CIITA: variants seen among roughly 807,000 people sequenced by gnomAD.
The protein encoded by CIITA is MHC class II transactivator.
In CIITA, 72 loss-of-function variants were observed where a neutral mutation model predicts 115.1. The observed-to-expected ratio is 0.63, with a 90% CI of 0.52 to 0.76. CIITA has a LOEUF of 0.76. CIITA is among the 30% of genes least tolerant of loss of function. CIITA has a pLI of 0.00. For synonymous variants in CIITA, 763 were observed against 635.6 expected (o/e 1.20, Z -3.02); for missense variants, 1,617 against 1,463.8 (o/e 1.10, Z -1.71).
chr16:10,874,768 T>C (rs551182546), upstream of CIITA, among the ~76,000 whole-genome samples: 155 of 152,158 alleles, frequency 1.0e-3, no homozygotes, highest in Non-Finnish European at 1.3e-3. Flanking sequence ...AGGTGAGAGA[T>C]GGTAGTCCTG....
At chr16:10,877,102 C>A, upstream of CIITA, 1 of 613,216 alleles carries the variant, frequency 1.6e-6, no homozygotes, top group Non-Finnish European at 2.9e-6. Flanking sequence ...AGAAATCTGA[C>A]CGCTTGGGGC....
chr16:10,879,833 G>A lies in CIITA; in HGVS notation c.52+2451G>A, dbSNP rs2036238573. ...GCCGGAATCGGAGCCACCATGCTTA[G>A]CTTAGTCTGGAACTCTTAAAAGCCG... On this transcript the variant is annotated intron_variant, in intron 1 of 19. Transcript: ENST00000324288. This position sits in a 1 kb window ranked among gnomAD's most constrained non-coding sequence, Gnocchi z 4.3. Among the ~76,000 whole-genome samples, 1 of 152,150 alleles carries A rather than the reference G, an allele frequency of 6.6e-6. No homozygotes were observed. Among genetic ancestry groups the A allele is most frequent in the Admixed American group, 6.5e-5 (1 of 15,284 alleles).
chr16:10,869,321 G>C (rs571906587), intron 1 of CIITA, among the ~76,000 whole-genome samples: 2 of 152,170 alleles, frequency 1.3e-5, no homozygotes, highest in Non-Finnish European at 2.9e-5. Flanking sequence ...GACACGCTCA[G>C]CACACTGTCT....
intron 13 of CIITA, among the ~76,000 whole-genome samples, chr16:10,914,641 C>G (rs1166204453): frequency 6.6e-6 from 1 of 152,126 alleles, no homozygotes; most frequent in Admixed American, 6.6e-5. Context: ...TTCTCATCCC[C>G]TTGAAGTCTG....
rs1396428282 is a variant in CIITA, at chr16:10,895,796, A to G, written c.295+32A>G. The G allele has an allele frequency of 1.9e-6, 3 of 1,604,782 alleles. No individual in the cohort carries two copies. In the African/African-American group the frequency reaches 4.0e-5, roughly 21 times the overall value. ...AAGCACCTGAGCCCAGAAAAGGACAATCAAGGGCAAGAGTTCTTTGCTGCC... is the reference window on the plus strand; with the variant it reads ...AAGCACCTGAGCCCAGAAAAGGACAGTCAAGGGCAAGAGTTCTTTGCTGCC... On this transcript the variant is annotated intron_variant, in intron 3 of 19. Transcript: ENST00000324288.
chr16:10,916,260 G>T (rs1486892674), intron 14 of CIITA, 107 bp from the exon 15 acceptor site: 2 of 968,472 alleles, frequency 2.1e-6, no homozygotes, highest in Non-Finnish European at 3.3e-6. Context: ...TTAGAGCTGG[G>T]GGGTGGGAAG....
At position 10,928,250 on chromosome 16, in the gene CIITA, T is replaced by C. The variant is rs1352317174; in HGVS notation, c.*4395T>C. ...CTTTGAAATCAAGTGCTCTGCAAAC[T>C]GGAGAGAATTACTGCTTGTATTCCG... On this transcript the variant is annotated 3_prime_UTR_variant, in exon 20 of 20. Transcript: ENST00000324288. The C allele has an allele frequency of 6.6e-6, 1 of 152,196 alleles. No individual in the cohort carries two copies. Among genetic ancestry groups the C allele is most frequent in the Non-Finnish European group, 1.5e-5 (1 of 68,042 alleles). 9.4% of individuals were successfully genotyped at this position (152,196 alleles called of 1,614,324 possible).
chr16:10,876,153 T>A (rs139718325), upstream of CIITA, among the ~76,000 whole-genome samples: 86 of 151,498 alleles, frequency 5.7e-4, no homozygotes, highest in Non-Finnish European at 1.1e-3. Context: ...TGAAACTCCG[T>A]CTAAAAAAAA....
At chr16:10,940,434 A>T (rs529435830), downstream of CIITA, 1 of 152,400 alleles carries the variant, frequency 6.6e-6, no homozygotes. The surrounding 1 kb of genome is among the most constrained non-coding windows in gnomAD (Gnocchi z 4.2). Flanking sequence ...GGGTGGACTC[A>T]GCCTGCTTGC....
rs2039253143 is a variant in CIITA, at chr16:10,907,501, G to A, written c.2009G>A (p.Arg670Lys). Reference protein sequence around the residue: ...LAKLAWELGRRHQSTLQEDQF... With the variant: ...LAKLAWELGRKHQSTLQEDQF... ...AAGCTGGCCTGGGAGCTGGGCCGCA[G>A]ACATCAAAGTACCCTACAGGAGGAC... is the stretch of plus-strand genomic sequence containing the variant. The change falls in exon 11 of 20, where the codon AGA becomes AAA. Residue 670 changes from arginine (R) to lysine (K), a missense_variant. By Grantham distance (26) the Arg-to-Lys change is conservative. Coordinates refer to ENST00000324288, the MANE Select transcript of CIITA (RefSeq NM_000246.4). This position sits in a 1 kb window ranked among gnomAD's most constrained non-coding sequence, Gnocchi z 5.0. 1 of 1,613,996 alleles carries A rather than the reference G, an allele frequency of 6.2e-7. No homozygotes were observed. The highest frequency in any genetic ancestry group is 1.3e-5 in the African/African-American group (1 of 75,050).
chr16:10,917,194 C>G (rs2039999756), intron 15 of CIITA, among the ~76,000 whole-genome samples: 1 of 151,858 alleles, frequency 6.6e-6, no homozygotes, highest in African/African-American at 2.4e-5. Context: ...TTCTTTTTTT[C>G]AGACAAGGTC....
downstream of CIITA, chr16:10,941,345 G>A (rs1005103798): frequency 9.6e-6 from 2 of 208,370 alleles, no homozygotes; most frequent in African/African-American, 2.3e-5. The surrounding 1 kb of genome is among the most constrained non-coding windows in gnomAD (Gnocchi z 6.4). Flanking sequence ...ACTTAGTCTC[G>A]GGGTCTCCTT....
At position 10,934,118 on chromosome 16, in the gene CIITA, C is replaced by G. The variant is rs1003263044; in HGVS notation, c.*10263C>G. ...AGCGGGCTTTGTGAAGATGCCTGGT[C>G]TACCACGTGCCTCCAGCTGGTCACG... On this transcript the variant is annotated 3_prime_UTR_variant, in exon 20 of 20. Coordinates refer to ENST00000324288, the MANE Select transcript of CIITA (RefSeq NM_000246.4). This position sits in a 1 kb window ranked among gnomAD's most constrained non-coding sequence, Gnocchi z 4.2. The G allele has an allele frequency of 2.0e-5, 3 of 152,238 alleles. No homozygotes were observed. In the South Asian group the frequency reaches 6.2e-4, roughly 31 times the overall value. The allele number at this position is 152,238 out of a possible 1,614,324, so 9.4% of individuals were successfully genotyped here.
intron 10 of CIITA, among the ~76,000 whole-genome samples, chr16:10,905,558 C>T (rs1005095740): frequency 1.3e-5 from 2 of 151,892 alleles, no homozygotes; most frequent in Non-Finnish European, 2.9e-5. Context: ...GTCAGGAGTT[C>T]GAGACCAGCC....
intron 1 of CIITA, among the ~76,000 whole-genome samples, chr16:10,893,099 A>T (rs2037759058): frequency 6.6e-6 from 1 of 152,148 alleles, no homozygotes; most frequent in African/African-American, 2.4e-5. Context: ...CAGCCACAAG[A>T]CCACAAGTCA....
intron 1 of CIITA, among the ~76,000 whole-genome samples, chr16:10,883,614 G>A (rs1332666494): frequency 6.6e-6 from 1 of 152,204 alleles, no homozygotes; most frequent in African/African-American, 2.4e-5. Context: ...CATCTGTGGT[G>A]TCTTTTGTGG....
At chr16:10,913,977 T>C (rs542256673) in intron 13 of CIITA, among the ~76,000 whole-genome samples, 2 of 86,834 alleles carry the variant, frequency 2.3e-5, no homozygotes, top group Admixed American at 1.4e-4. Flanking sequence ...AGAACTCCAT[T>C]CCCCTCATGG....
chr16:10,919,173 ATTAT>A (rs989642703), intron 16 of CIITA, among the ~76,000 whole-genome samples: 2 of 152,046 alleles, frequency 1.3e-5, no homozygotes, highest in South Asian at 2.1e-4. Context: ...TTGGTCCCTT[ATTAT>A]TTATTTATTT....
In CIITA at chr16:10,942,257, T is replaced by A. The variant is rs543224229; in HGVS notation, n.1383T>A. The A allele has an allele frequency of 2.9e-6, 1 of 342,756 alleles. No individual in the cohort carries two copies. The highest frequency in any genetic ancestry group is 2.2e-5 in the African/African-American group (1 of 45,338). 21.2% of individuals were successfully genotyped at this position (342,756 alleles called of 1,614,324 possible). A position where few individuals can be genotyped will look rare whatever the true frequency, so the allele number is the denominator to read the frequency against. The stretch of plus-strand genomic sequence containing the variant: ...GGCGGCGAGGCGGGCCCCCCTGAAG[T>A]GGCCCGCGGCTGCCCGGCTCCCTCG... On this transcript the variant is annotated non_coding_transcript_exon_variant, in exon 2 of 2. Transcript: ENST00000573379. This position sits in a 1 kb window ranked among gnomAD's most constrained non-coding sequence, Gnocchi z 5.0.
Sources: allele counts gnomAD v4.1 joint callset (sites outside exome capture counted in the v4.1 genomes callset), GRCh38; gene constraint gnomAD v4.1.1; non-coding constraint Gnocchi (gnomAD v3.1); transcripts MANE v1.5; gene names NCBI Gene and HGNC (gene_info 2026-07-23, HGNC 2026-07-21).